Variants in STARD6 observed in about 807,000 individuals in gnomAD.
The protein encoded by STARD6 is StAR related lipid transfer domain containing 6.
A neutral mutation model predicts 22.3 loss-of-function variants in STARD6; 21 were observed. The ratio of observed to expected loss-of-function variants is 0.94; its 90% confidence interval spans 0.67 to 1.35. The LOEUF (loss-of-function observed/expected upper bound fraction) is 1.35, where lower values mean the gene tolerates loss of function less well. Among genes scored for constraint, STARD6 ranks in the 40% most tolerant of loss-of-function variants. STARD6 has a pLI of 0.00. For missense variants in STARD6, 269 were observed against 266.9 expected (o/e 1.01, Z -0.05); for synonymous variants, 80 against 88.1 (o/e 0.91, Z 0.52).
At chr18:54,341,249 C>T (rs1052103959) in intron 4 of STARD6, among the ~76,000 whole-genome samples, 10 of 152,108 alleles carry the variant, frequency 6.6e-5, no homozygotes, top group African/African-American at 9.7e-5. Flanking sequence ...TTAGTAGAGA[C>T]GGGGTTTCAC....
intron 6 of STARD6, 99 bp from the exon 7 acceptor site, chr18:54,329,539 A>G (rs2088850125): frequency 1.1e-6 from 1 of 947,174 alleles, no homozygotes; most frequent in Admixed American, 2.7e-5. Flanking sequence ...TAAGTTAGTT[A>G]ATAGCATTAA....
chr18:54,351,864 A>AC (rs1555681849), intron 4 of STARD6, among the ~76,000 whole-genome samples: 1 of 89,430 alleles, frequency 1.1e-5, no homozygotes, highest in Non-Finnish European at 2.2e-5. Context: ...TTTGTTGAGG[A>AC]TTTTTGCATT....
intron 4 of STARD6, among the ~76,000 whole-genome samples, chr18:54,345,071 T>TA (rs1465569068): frequency 6.6e-6 from 1 of 152,112 alleles, no homozygotes; most frequent in Admixed American, 6.5e-5. Context: ...GAAAAAGAAA[T>TA]AAAAGTCATC....
At chr18:54,330,628 T>G (rs987397979) in intron 6 of STARD6, among the ~76,000 whole-genome samples, 2 of 152,068 alleles carry the variant, frequency 1.3e-5, no homozygotes, top group African/African-American at 4.8e-5. Flanking sequence ...TTAAGAAAAC[T>G]ATGAGTACTG....
intron 7 of STARD6, 91 bp downstream of exon 7, chr18:54,329,256 A>G (rs1457849312): frequency 1.1e-5 from 11 of 1,006,694 alleles, no homozygotes; most frequent in African/African-American, 1.7e-5. Context: ...ATGCTGCTAC[A>G]TATTTCTACT....
At chr18:54,326,417 C>A (rs565849227) in intron 7 of STARD6, among the ~76,000 whole-genome samples, 3 of 151,256 alleles carry the variant, frequency 2.0e-5, no homozygotes, top group Non-Finnish European at 4.4e-5. Flanking sequence ...CTGCAAGCCC[C>A]GCCTCCCGGG....
At chr18:54,356,818 C>A (rs1599315790) in intron 1 of STARD6, among the ~76,000 whole-genome samples, 1 of 152,200 alleles carries the variant, frequency 6.6e-6, no homozygotes, top group East Asian at 1.9e-4. Context: ...TGGAAACCTA[C>A]TTGATATTAA....
At chr18:54,354,628 T>G in intron 2 of STARD6, 51 bp from the exon 3 acceptor site, 4 of 1,266,034 alleles carry the variant, frequency 3.2e-6, no homozygotes, top group Non-Finnish European at 4.5e-6. Context: ...ATATAAAAAC[T>G]TAAAAAGTGC....
chr18:54,338,726 C>G (rs529970543), intron 4 of STARD6, among the ~76,000 whole-genome samples: 1 of 151,826 alleles, frequency 6.6e-6, no homozygotes, highest in South Asian at 2.1e-4. Flanking sequence ...TTTTAGGAGG[C>G]CTTATCATAT....
At chr18:54,344,678 C>T (rs1379993949) in intron 4 of STARD6, among the ~76,000 whole-genome samples, 1 of 150,582 alleles carries the variant, frequency 6.6e-6, no homozygotes, top group Non-Finnish European at 1.5e-5. Flanking sequence ...CCAAATCTAG[C>T]AATGTATAAA....
At chr18:54,340,869 A>G (rs955449541) in intron 4 of STARD6, among the ~76,000 whole-genome samples, 1 of 152,240 alleles carries the variant, frequency 6.6e-6, no homozygotes, top group Non-Finnish European at 1.5e-5. Flanking sequence ...CTTTAAGATA[A>G]AAACTATTAG....
intron 4 of STARD6, among the ~76,000 whole-genome samples, chr18:54,343,809 C>T (rs1252071345): frequency 2.7e-4 from 19 of 69,458 alleles, no homozygotes; most frequent in African/African-American, 6.6e-4. Flanking sequence ...CCGCCCCGTC[C>T]GGGAGGTGAG....
At chr18:54,336,226 C>T (rs1010952216) in intron 5 of STARD6, among the ~76,000 whole-genome samples, 1 of 152,066 alleles carries the variant, frequency 6.6e-6, no homozygotes, top group African/African-American at 2.4e-5. Context: ...TGTTCCTAAA[C>T]TTCAACCTTC....
At chr18:54,336,704 G>A (rs2088917301) in intron 5 of STARD6, among the ~76,000 whole-genome samples, 1 of 152,106 alleles carries the variant, frequency 6.6e-6, no homozygotes, top group African/African-American at 2.4e-5. Context: ...TCTCTCTCCT[G>A]CTCTGCCATG....
chr18:54,333,124 T>C (rs2088878201), intron 5 of STARD6, among the ~76,000 whole-genome samples: 1 of 152,196 alleles, frequency 6.6e-6, no homozygotes, highest in South Asian at 2.1e-4. Context: ...TCTAGTATTC[T>C]TTCTATTATA....
At chr18:54,325,430 C>T (rs1289384792) in intron 7 of STARD6, among the ~76,000 whole-genome samples, 1 of 152,132 alleles carries the variant, frequency 6.6e-6, no homozygotes, top group East Asian at 1.9e-4. Context: ...TTTTTCATGG[C>T]TACAGACAGT....
Position 54,331,761 on chromosome 18 carries a change from T to A in STARD6, c.366A>T (p.Gly122=). ...IDLVYIKRYE[G]NMNIISSKSV... ...ACTTACAACTGATAATGTTCATATT[T>A]CCTTCGTAGCGCTTGATGTACACTA... The change falls in exon 6 of 8, where the codon GGA becomes GGT. Residue 122 remains glycine, a synonymous_variant. Transcript: ENST00000307844. 2 of 1,609,732 alleles carry A rather than the reference T, an allele frequency of 1.2e-6. No homozygotes were observed. The highest frequency in any genetic ancestry group is 1.7e-6 in the Non-Finnish European group (2 of 1,177,208).
intron 4 of STARD6, among the ~76,000 whole-genome samples, chr18:54,340,481 T>C (rs1373770495): frequency 6.6e-6 from 1 of 152,010 alleles, no homozygotes; most frequent in Middle Eastern, 3.2e-3. Flanking sequence ...AAGAAGATAG[T>C]AAAAGAACAG....
At chr18:54,353,150 C>G (rs1236498681) in intron 4 of STARD6, among the ~76,000 whole-genome samples, 1 of 151,748 alleles carries the variant, frequency 6.6e-6, no homozygotes, top group Non-Finnish European at 1.5e-5. Context: ...AAGCAAGAAA[C>G]ATAAAATGAG....
Sources: gnomAD v4.1 joint callset for allele counts (sites outside exome capture counted in the v4.1 genomes callset) on GRCh38, gnomAD v4.1.1 for gene constraint, MANE v1.5 for transcripts, NCBI Gene and HGNC (gene_info 2026-07-23, HGNC 2026-07-21) for gene names.